AFDN: variants seen among roughly 807,000 people sequenced by gnomAD.
AFDN encodes the protein afadin, adherens junction formation factor, also known as afadin.
Under a neutral mutation model 216.6 loss-of-function variants are expected in AFDN, and 68 were observed. That is an observed-to-expected ratio of 0.31 (90% CI 0.26 to 0.38). The LOEUF is 0.38. Ranked by LOEUF, AFDN falls within the 10% of genes least tolerant of loss-of-function variation. The pLI is 1.00. For missense variants in AFDN, 2,136 were observed against 2,342.0 expected, an observed-to-expected ratio of 0.91 and a Z score of 1.82; for synonymous variants, 868 against 853.7, an observed-to-expected ratio of 1.02 and a Z score of -0.29.
intron 8 of AFDN, 97 bp downstream of exon 8, chr6:167,891,126 G>C: frequency 1.8e-5 from 18 of 991,560 alleles, no homozygotes; most frequent in Non-Finnish European, 2.5e-5. Flanking sequence ...TCTTCTGTTG[G>C]CTGACTTAAC....
chr6:167,942,731 A>G (rs996768612), intron 23 of AFDN, among the ~76,000 whole-genome samples: 10 of 152,192 alleles, frequency 6.6e-5, no homozygotes, highest in Non-Finnish European at 1.3e-4. Context: ...TTTATCATTT[A>G]AAATCTTAAA....
chr6:167,951,898 G>C lies in AFDN; in HGVS notation c.4544G>C (p.Gly1515Ala). ...GTCAGCAAAGAGGAGCTTTCCTCGG[G>C]GGACAGTCTGTCCCCCGACCCGTGG... ...ITVSKEELSS[G>A]DSLSPDPWKR... The change falls in exon 30 of 34, where the codon GGG (glycine) becomes GCG (alanine). Residue 1515 changes from glycine to alanine, a missense_variant. By Grantham distance (60) the Gly-to-Ala change is moderately conservative. This residue lies in a region of AFDN where 981 missense variants were observed against 966.0 expected (regional missense o/e 1.02). Transcript: ENST00000683244. The surrounding 1 kb of genome is among the most constrained non-coding windows in gnomAD (Gnocchi z 7.1). 1 of 1,613,820 alleles carries C rather than the reference G, an allele frequency of 6.2e-7. No individual in the cohort carries two copies.
At chr6:167,904,058 A>G (rs1457622307) in intron 12 of AFDN, among the ~76,000 whole-genome samples, 1 of 152,170 alleles carries the variant, frequency 6.6e-6, no homozygotes, top group African/African-American at 2.4e-5. Context: ...TTGGAGGGCC[A>G]GGGTTTCAGA....
At position 167,951,064 on chromosome 6, in the gene AFDN, T is replaced by G; in HGVS notation, c.3832-122T>G. The G allele has an allele frequency of 1.5e-6, 2 of 1,365,252 alleles. No individual in the cohort carries two copies. The highest frequency in any genetic ancestry group is 1.9e-6 in the Non-Finnish European group (2 of 1,039,268). 84.6% of individuals were successfully genotyped at this position (1,365,252 alleles called of 1,614,324 possible). On this transcript the variant is annotated intron_variant, in intron 29 of 33. Coordinates refer to ENST00000683244, the MANE Select transcript of AFDN (RefSeq NM_001386888.1). This position sits in a 1 kb window ranked among gnomAD's most constrained non-coding sequence, Gnocchi z 7.1. ...TTAGCCAATGAGCCTTGTAGGGCAG[T>G]CTCAGTCTCTTTCTGTACACTGATT... is the stretch of plus-strand genomic sequence containing the variant.
At chr6:167,935,299 T>C (rs1793850025) in intron 23 of AFDN, among the ~76,000 whole-genome samples, 1 of 152,210 alleles carries the variant, frequency 6.6e-6, no homozygotes, top group South Asian at 2.1e-4. Context: ...TTTTAAAGGA[T>C]ACAAGATCTA....
At chr6:167,965,618 G>A in intron 31 of AFDN, 139 bp from the exon 32 acceptor site, 1 of 775,466 alleles carries the variant, frequency 1.3e-6, no homozygotes, top group Non-Finnish European at 2.0e-6. Context: ...TTGACCTGCT[G>A]CTTCTGTTAC....
At chr6:167,857,264 G>T (rs543976505) in intron 1 of AFDN, among the ~76,000 whole-genome samples, 2 of 151,744 alleles carry the variant, frequency 1.3e-5, no homozygotes, top group African/African-American at 2.4e-5. Context: ...TGAGAGAGAG[G>T]GTTACCAGGT....
At chr6:167,891,406 T>G (rs777911143) in intron 8 of AFDN, among the ~76,000 whole-genome samples, 76 of 77,288 alleles carry the variant, frequency 9.8e-4, no homozygotes, top group African/African-American at 3.1e-3. Context: ...CATAAAGGGG[T>G]GGGTGTGTGT....
chr6:167,878,873 A>T (rs907252099), intron 5 of AFDN, among the ~76,000 whole-genome samples: 7 of 152,000 alleles, frequency 4.6e-5, no homozygotes, highest in Non-Finnish European at 8.8e-5. Flanking sequence ...TCACATGGCC[A>T]CTTCTGTCTG....
intron 2 of AFDN, among the ~76,000 whole-genome samples, chr6:167,867,003 A>G (rs894012792): frequency 1.3e-5 from 2 of 152,260 alleles, no homozygotes; most frequent in African/African-American, 4.8e-5. Context: ...AGTAGGAAAC[A>G]TAAAAAAGGA....
intron 1 of AFDN, among the ~76,000 whole-genome samples, chr6:167,834,404 G>A (rs1428126949): frequency 6.7e-6 from 1 of 149,720 alleles, no homozygotes; most frequent in Non-Finnish European, 1.5e-5. Context: ...GTCCCATCCA[G>A]GTTGCTGTGA....
At chr6:167,928,052 G>T (rs3778662) in intron 23 of AFDN, among the ~76,000 whole-genome samples, 43,690 of 152,090 alleles carry the variant, frequency 0.29, 7,266 homozygotes, top group East Asian at 0.59. Context: ...GGTGGAAGTA[G>T]GGGGCTTCCA....
chr6:167,918,982 G>A (rs1350586086), intron 21 of AFDN, 49 bp downstream of exon 21: 2 of 1,506,396 alleles, frequency 1.3e-6, no homozygotes, highest in South Asian at 1.2e-5. Context: ...AGGTTGAAGC[G>A]AGCATTTTAT....
intron 1 of AFDN, among the ~76,000 whole-genome samples, chr6:167,833,461 C>T (rs1295985183): frequency 6.6e-6 from 1 of 152,136 alleles, no homozygotes; most frequent in Non-Finnish European, 1.5e-5. Context: ...CTAGCAAGTT[C>T]TCTTGCTTGA....
Position 167,827,082 on chromosome 6 carries a change from G to T in AFDN, c.-51G>T. The T allele has an allele frequency of 9.6e-7, 1 of 1,044,188 alleles. No individual in the cohort carries two copies. The highest frequency in any genetic ancestry group is 1.2e-6 in the Non-Finnish European group (1 of 826,252). The allele number at this position is 1,044,188 out of a possible 1,614,324, so 64.7% of individuals were successfully genotyped here. On this transcript the variant is annotated 5_prime_UTR_variant, in exon 1 of 34. Coordinates refer to ENST00000683244, the MANE Select transcript of AFDN (RefSeq NM_001386888.1). ...GGCCCCCGCGGACCTGTCGTCCTCG[G>T]CCCGTCCTCCGGCCCCGGCCCCGCG...
At chr6:167,946,208 A>G (rs1437681471) in intron 26 of AFDN, among the ~76,000 whole-genome samples, 1 of 152,224 alleles carries the variant, frequency 6.6e-6, no homozygotes, top group Non-Finnish European at 1.5e-5. Context: ...GCAAACTAGA[A>G]TGTGAGTTAG....
Position 167,902,344 on chromosome 6 carries a change from G to T in AFDN, c.1608G>T (p.Leu536Phe). ...TTGTTCAGGAGACAACTTTTGATTT[G>T]GGAGGAGATATTCATAGTGGGACAG... ...PGIVQETTFD[L>F]GGDIHSGTAL... The change falls in exon 12 of 34, where the codon TTG becomes TTT. Residue 536 changes from leucine to phenylalanine, a missense_variant. Physicochemically the swap from Leu to Phe is conservative, Grantham distance 22. Coordinates refer to ENST00000683244, the MANE Select transcript of AFDN (RefSeq NM_001386888.1). 1 of 1,612,766 alleles carries T rather than the reference G, an allele frequency of 6.2e-7. No homozygotes were observed. Among genetic ancestry groups the T allele is most frequent in the South Asian group, 1.1e-5 (1 of 91,014 alleles).
At chr6:167,871,498 A>G (rs762985247) in intron 3 of AFDN, among the ~76,000 whole-genome samples, 2 of 152,228 alleles carry the variant, frequency 1.3e-5, no homozygotes, top group African/African-American at 4.8e-5. Context: ...CCCATAACTT[A>G]TAAAGCAGAA....
intron 23 of AFDN, among the ~76,000 whole-genome samples, chr6:167,934,082 C>T (rs905772268): frequency 1.3e-5 from 2 of 152,218 alleles, no homozygotes; most frequent in African/African-American, 4.8e-5. Flanking sequence ...GAGAGTTGTG[C>T]ACTCTACCCT....
Sources: allele counts gnomAD v4.1 joint callset (sites outside exome capture counted in the v4.1 genomes callset), GRCh38; gene constraint gnomAD v4.1.1; regional missense constraint gnomAD v4.1.1; non-coding constraint Gnocchi (gnomAD v3.1); transcripts MANE v1.5; gene names NCBI Gene and HGNC (gene_info 2026-07-23, HGNC 2026-07-21).